The following CSMD2 variants were observed in gnomAD, a reference collection of about 807,000 sequenced individuals.
The protein encoded by CSMD2 is CUB and Sushi multiple domains 2, also known as CUB and sushi domain-containing protein 2.
Under a neutral mutation model 398.5 loss-of-function variants are expected in CSMD2, and 130 were observed. That is an observed-to-expected ratio of 0.33 (90% CI 0.28 to 0.38). The LOEUF is 0.38. Among genes scored for constraint, CSMD2 ranks in the 10% least tolerant of loss-of-function variants. The pLI is 1.00. For missense variants in CSMD2, 3,829 were observed against 4,764.9 expected (o/e 0.80, Z 5.78); for synonymous variants, 1,828 against 1,908.5 (o/e 0.96, Z 1.10).
rs1389308208 is a variant in CSMD2 at position 33,820,530 on chromosome 1, G to T, written c.1138C>A (p.His380Asn). ...ATGCCAGGGTCTGGACACATATTAT[G>T]TCCTTGGGACACACCAACCTGAGTT... The part of the protein sequence containing the change: ...VLTQVGVSQG[H>N]NMCPDPGIPE... The change falls in exon 8 of 71, where the codon CAT becomes AAT. Residue 380 changes from histidine (H) to asparagine (N), a missense_variant. By Grantham distance (68) the His-to-Asn change is moderately conservative. Around this residue, in one of 5 missense-constraint regions of CSMD2, gnomAD observed 2,001 missense variants for 2,567.1 expected, o/e 0.78. Coordinates refer to ENST00000373381, the MANE Select transcript of CSMD2 (RefSeq NM_001281956.2). 7.8e-7 allele frequency: 1 copy of T among 1,278,706 alleles called. No homozygotes were observed. Among genetic ancestry groups the T allele is most frequent in the Non-Finnish European group, 1.1e-6 (1 of 905,328 alleles). The allele number at this position is 1,278,706 out of a possible 1,614,324, so 79.2% of individuals were successfully genotyped here.
chr1:33,684,278 T>C (rs1331452328), intron 25 of CSMD2, among the ~76,000 whole-genome samples: 1 of 152,208 alleles, frequency 6.6e-6, no homozygotes, highest in Non-Finnish European at 1.5e-5. Context: ...TTTTCAGTTT[T>C]CCCTGTGTGT....
At chr1:33,841,804 C>A (rs1660883859) in intron 6 of CSMD2, among the ~76,000 whole-genome samples, 1 of 152,158 alleles carries the variant, frequency 6.6e-6, no homozygotes, top group Admixed American at 6.5e-5. Flanking sequence ...AAGTCCCACC[C>A]ACTCAGCCAC....
intron 1 of CSMD2, among the ~76,000 whole-genome samples, chr1:34,144,230 C>T (rs978435815): frequency 5.9e-5 from 9 of 152,104 alleles, no homozygotes; most frequent in East Asian, 1.9e-4. Context: ...CAGCTGCAGG[C>T]GGTGCCAACC....
intron 5 of CSMD2, among the ~76,000 whole-genome samples, chr1:33,895,215 C>A (rs959888761): frequency 2.0e-5 from 3 of 152,022 alleles, no homozygotes; most frequent in Admixed American, 1.3e-4. Flanking sequence ...CTAAAGAAAC[C>A]GAGGCTCAGA....
intron 2 of CSMD2, among the ~76,000 whole-genome samples, chr1:34,037,282 C>T (rs1434865782): frequency 1.3e-5 from 2 of 152,120 alleles, no homozygotes; most frequent in African/African-American, 4.8e-5. Context: ...CTATCCACTC[C>T]AGCCTGTATT....
intron 12 of CSMD2, among the ~76,000 whole-genome samples, chr1:33,779,965 A>G (rs573039294): frequency 2.6e-5 from 4 of 152,320 alleles, no homozygotes; most frequent in Admixed American, 2.0e-4. Context: ...AATGGAGGAC[A>G]ACAGCGTAGA....
At chr1:33,520,065 C>T (rs1654126366) in intron 68 of CSMD2, 115 bp from the exon 69 acceptor site, 24 of 1,227,698 alleles carry the variant, frequency 2.0e-5, no homozygotes, top group Non-Finnish European at 2.4e-5. Context: ...GGGTGCTCCT[C>T]ACTCCTGCTC....
chr1:34,053,925 C>A (rs886970949), intron 2 of CSMD2, among the ~76,000 whole-genome samples: 3 of 152,112 alleles, frequency 2.0e-5, no homozygotes, highest in Non-Finnish European at 2.9e-5. Context: ...TAGCAGCCTG[C>A]GGCAGAGCTA....
At chr1:33,825,297 T>C (rs1658667884) in intron 7 of CSMD2, among the ~76,000 whole-genome samples, 1 of 152,186 alleles carries the variant, frequency 6.6e-6, no homozygotes, top group South Asian at 2.1e-4. Context: ...CCTTGGGAGC[T>C]GGAACTGGGG....
intron 12 of CSMD2, 86 bp downstream of exon 12, chr1:33,788,507 CAAAAAAA>C: frequency 5.8e-6 from 3 of 521,046 alleles, no homozygotes; most frequent in Non-Finnish European, 9.8e-6. Flanking sequence ...GACTCCGTCT[CAAAAAAA>C]AAAAAAAAAA....
At chr1:33,754,382 T>C (rs964548452) in intron 13 of CSMD2, among the ~76,000 whole-genome samples, 2 of 152,206 alleles carry the variant, frequency 1.3e-5, no homozygotes, top group Non-Finnish European at 2.9e-5. Flanking sequence ...TGTGATACAC[T>C]GGCTCTCCTT....
intron 25 of CSMD2, among the ~76,000 whole-genome samples, chr1:33,676,910 T>C (rs2149048646): frequency 1.3e-5 from 2 of 152,296 alleles, no homozygotes; most frequent in African/African-American, 4.8e-5. Flanking sequence ...TAGCCATATG[T>C]AGAAAGCTGA....
intron 65 of CSMD2, among the ~76,000 whole-genome samples, chr1:33,526,244 GAA>G (rs996184783): frequency 3.9e-5 from 6 of 152,208 alleles, no homozygotes; most frequent in Non-Finnish European, 7.3e-5. Flanking sequence ...GAAGAGGGGA[GAA>G]GAGAGAGAAA....
At chr1:33,946,621 T>C (rs1020131875) in intron 3 of CSMD2, among the ~76,000 whole-genome samples, 23 of 127,644 alleles carry the variant, frequency 1.8e-4, no homozygotes, top group Non-Finnish European at 3.8e-4. Context: ...ATCTGACAAC[T>C]TTTTTTTTTT....
At position 33,727,207 on chromosome 1, in the gene CSMD2, C is replaced by T. The variant is rs1395821008; in HGVS notation, c.2369-522G>A. On this transcript the variant is annotated intron_variant, in intron 15 of 70. Transcript: ENST00000373381. ...CCAGTATTGAGCATGGTGCTTGGCA[C>T]ACAGTTGTTTCTCAATGATTGCTGG... Among the ~76,000 whole-genome samples, 5 of 152,212 alleles carry T rather than the reference C, an allele frequency of 3.3e-5. No individual in the cohort carries two copies. The South Asian group carries it at 1.0e-3, about 32-fold the overall frequency.
In CSMD2 at chr1:33,533,265, G is replaced by A. The variant is rs1383594094; in HGVS notation, c.9992-36C>T. 3 of 1,599,232 alleles carry A rather than the reference G, an allele frequency of 1.9e-6. No individual in the cohort carries two copies. The highest frequency in any genetic ancestry group is 2.6e-6 in the Non-Finnish European group (3 of 1,170,576). The stretch of plus-strand genomic sequence containing the variant: ...GGAAAGACCCTGTTGGACTGGAGGA[G>A]ATTAGGGGCTTCAGGGGCCCTTTCG... On this transcript the variant is annotated intron_variant, in intron 63 of 70. Transcript: ENST00000373381. The surrounding 1 kb of genome is among the most constrained non-coding windows in gnomAD (Gnocchi z 4.2).
At chr1:33,558,697 A>G (rs1228804067) in intron 54 of CSMD2, among the ~76,000 whole-genome samples, 3 of 152,160 alleles carry the variant, frequency 2.0e-5, no homozygotes, top group Non-Finnish European at 2.9e-5. Flanking sequence ...GCTATTTCCT[A>G]AATACTCCAA....
At chr1:33,864,397 C>A (rs1207186342) in intron 5 of CSMD2, 1 of 1,614,094 alleles carries the variant, frequency 6.2e-7, no homozygotes, top group Non-Finnish European at 8.5e-7. Context: ...CTCGACAAAG[C>A]CCGATACCAG....
chr1:33,916,917 AC>A (rs1195539875), intron 5 of CSMD2, among the ~76,000 whole-genome samples: 31 of 152,146 alleles, frequency 2.0e-4, no homozygotes, highest in African/African-American at 7.2e-4. Context: ...TGTGCAATAA[AC>A]GTGCCCCATT....
Sources: allele counts gnomAD v4.1 joint callset (sites outside exome capture counted in the v4.1 genomes callset), GRCh38; gene constraint gnomAD v4.1.1; regional missense constraint gnomAD v4.1.1; non-coding constraint Gnocchi (gnomAD v3.1); transcripts MANE v1.5; gene names NCBI Gene and HGNC (gene_info 2026-07-23, HGNC 2026-07-21).